The following DLGAP2 variants were observed in gnomAD, a reference collection of about 807,000 sequenced individuals.
The protein encoded by DLGAP2 is DLG associated protein 2, also known as disks large-associated protein 2.
In DLGAP2, 26 loss-of-function variants were observed where a neutral mutation model predicts 100.3. The observed-to-expected ratio is 0.26, with a 90% CI of 0.19 to 0.36. DLGAP2 has a LOEUF of 0.36. Among genes scored for constraint, DLGAP2 ranks in the 10% least tolerant of loss-of-function variants. DLGAP2 has a pLI of 1.00. For synonymous variants in DLGAP2, 886 were observed against 630.1 expected (o/e 1.41, Z -6.08); for missense variants, 1,858 against 1,453.2 (o/e 1.28, Z -4.53).
intron 2 of DLGAP2, among the ~76,000 whole-genome samples, chr8:928,061 A>G (rs1798857029): frequency 6.6e-6 from 1 of 152,192 alleles, no homozygotes; most frequent in African/African-American, 2.4e-5. Context: ...TTCCCTGCCC[A>G]GGGCTGAGGG....
chr8:1,499,513 A>T (rs1001458339), intron 3 of DLGAP2, among the ~76,000 whole-genome samples: 4 of 152,162 alleles, frequency 2.6e-5, no homozygotes, highest in African/African-American at 9.7e-5. Flanking sequence ...TCATATTTCT[A>T]CATGAATGAG....
intron 3 of DLGAP2, among the ~76,000 whole-genome samples, chr8:1,420,173 A>G (rs556952095): frequency 6.6e-5 from 10 of 152,228 alleles, no homozygotes; most frequent in African/African-American, 2.2e-4. Context: ...TTCCCTGAGG[A>G]CTGCCTTATC....
intron 1 of DLGAP2, among the ~76,000 whole-genome samples, chr8:807,848 A>T (rs1165895311): frequency 6.6e-6 from 1 of 152,126 alleles, no homozygotes; most frequent in Non-Finnish European, 1.5e-5. Context: ...GGTGCACAGG[A>T]ATAAGGAAGG....
At chr8:1,320,475 G>A (rs554719063) in intron 3 of DLGAP2, among the ~76,000 whole-genome samples, 2 of 152,284 alleles carry the variant, frequency 1.3e-5, no homozygotes, top group Non-Finnish European at 2.9e-5. Context: ...GGCTGGGAAG[G>A]CATCAGGAGC....
Position 1,447,437 on chromosome 8 carries a change from C to T in DLGAP2, c.107-53929C>T, listed in dbSNP as rs181664860. ...ATCCTTGCATCCCAGGGATGAAGCC[C>T]ACTTGATCATGGTGGATAAGCTTTT... On this transcript the variant is annotated intron_variant, in intron 3 of 14. Coordinates refer to ENST00000637795, the MANE Select transcript of DLGAP2 (RefSeq NM_001346810.2). Among the ~76,000 whole-genome samples, 5 of 152,270 alleles carry T rather than the reference C, an allele frequency of 3.3e-5. No individual in the cohort carries two copies. In the East Asian group the frequency reaches 9.6e-4, roughly 29 times the overall value.
chr8:1,620,776 C>G (rs966669357), intron 6 of DLGAP2, among the ~76,000 whole-genome samples: 2 of 152,196 alleles, frequency 1.3e-5, no homozygotes. Flanking sequence ...GTCCTCCAGG[C>G]CCCACGCACA....
chr8:1,069,652 A>C (rs1271933987), intron 2 of DLGAP2, among the ~76,000 whole-genome samples: 1 of 152,124 alleles, frequency 6.6e-6, no homozygotes, highest in Non-Finnish European at 1.5e-5. Flanking sequence ...AGAGTATAAT[A>C]TATACTCCTA....
chr8:1,188,923 T>G (rs957317201), intron 2 of DLGAP2, among the ~76,000 whole-genome samples: 2 of 152,190 alleles, frequency 1.3e-5, no homozygotes, highest in Non-Finnish European at 2.9e-5. Flanking sequence ...GGTTGCCTTG[T>G]GGTGCGGCTT....
chr8:766,392 C>G (rs1821216648), intron 1 of DLGAP2, among the ~76,000 whole-genome samples: 1 of 152,220 alleles, frequency 6.6e-6, no homozygotes, highest in Non-Finnish European at 1.5e-5. Context: ...GGAGGCCATC[C>G]TTCCTCTATG....
intron 2 of DLGAP2, among the ~76,000 whole-genome samples, chr8:1,197,065 G>A (rs989391572): frequency 6.6e-6 from 1 of 152,126 alleles, no homozygotes; most frequent in African/African-American, 2.4e-5. Flanking sequence ...CCAAGAAGAA[G>A]GAACAAATTC....
intron 3 of DLGAP2, among the ~76,000 whole-genome samples, chr8:1,325,807 G>C (rs188429654): frequency 6.6e-6 from 1 of 152,200 alleles, no homozygotes; most frequent in African/African-American, 2.4e-5. Flanking sequence ...AAGAGTTGTC[G>C]TCAGCTCCTT....
Position 1,039,547 on chromosome 8 carries a change from G to C in DLGAP2, c.73+131581G>C, listed in dbSNP as rs563388239. Among the ~76,000 whole-genome samples, 17 of 115,166 alleles carry C rather than the reference G, an allele frequency of 1.5e-4. 1 individual carries two copies. Among genetic ancestry groups the C allele is most frequent in the African/African-American group, 6.4e-4 (17 of 26,572 alleles). The allele number at this position is 115,166 out of a possible 152,430, so 75.6% of individuals were successfully genotyped here. A position where few individuals can be genotyped will look rare whatever the true frequency, so the allele number is the denominator to read the frequency against. On this transcript the variant is annotated intron_variant, in intron 2 of 14. Transcript: ENST00000637795. ...TCAGCTCGGTGTGCGTGGTCAGCTT[G>C]GTGTGCGTGGTCAGCTTGGTGTGCG...
intron 2 of DLGAP2, among the ~76,000 whole-genome samples, chr8:1,167,417 A>C (rs1466686935): frequency 6.6e-6 from 1 of 152,190 alleles, no homozygotes; most frequent in Non-Finnish European, 1.5e-5. Context: ...CTGGCAGGGC[A>C]GAGGCTGTGT....
At chr8:1,172,054 C>G (rs1288531312) in intron 2 of DLGAP2, among the ~76,000 whole-genome samples, 7 of 152,040 alleles carry the variant, frequency 4.6e-5, no homozygotes, top group Non-Finnish European at 1.0e-4. Context: ...GTGCTTCCTT[C>G]AGGAGCTCTT....
chr8:1,214,312 G>T (rs183786968), intron 2 of DLGAP2, among the ~76,000 whole-genome samples: 1 of 152,158 alleles, frequency 6.6e-6, no homozygotes, highest in African/African-American at 2.4e-5. Flanking sequence ...CACTACCTGC[G>T]GCCCCGCCAC....
chr8:1,567,516 T>G (rs1035279344), intron 6 of DLGAP2, among the ~76,000 whole-genome samples: 7 of 152,120 alleles, frequency 4.6e-5, no homozygotes, highest in Admixed American at 1.3e-4. Context: ...GGACTAAGTG[T>G]TTTAAGAATT....
intron 2 of DLGAP2, among the ~76,000 whole-genome samples, chr8:1,101,611 G>A (rs1804582004): frequency 6.6e-6 from 1 of 152,096 alleles, no homozygotes; most frequent in Non-Finnish European, 1.5e-5. Flanking sequence ...ACAATGGGAA[G>A]GTCCTCATCA....
rs115096988 is a variant in DLGAP2, at chr8:1,260,197, C to G, written c.106+1314C>G. Among the ~76,000 whole-genome samples, 972 of 152,224 alleles carry G rather than the reference C, an allele frequency of 6.4e-3. 7 individuals carry two copies. The highest frequency in any genetic ancestry group is 0.022 in the African/African-American group (927 of 41,542). Reference sequence around the variant, plus strand: ...AGGATGATGAAATTCTGCAGCCTGTCTGTTGGGTGTTTGAAAGCTTTATTA... The same window carrying G: ...AGGATGATGAAATTCTGCAGCCTGTGTGTTGGGTGTTTGAAAGCTTTATTA... On this transcript the variant is annotated intron_variant, in intron 3 of 14. Coordinates refer to ENST00000637795, the MANE Select transcript of DLGAP2 (RefSeq NM_001346810.2).
intron 3 of DLGAP2, among the ~76,000 whole-genome samples, chr8:1,303,266 G>A (rs1007881079): frequency 4.6e-5 from 7 of 152,060 alleles, no homozygotes; most frequent in South Asian, 4.2e-4. Context: ...GCGTGGTGGC[G>A]GGCGCCTGTA....
Sources: gnomAD v4.1 joint callset for allele counts (sites outside exome capture counted in the v4.1 genomes callset) on GRCh38, gnomAD v4.1.1 for gene constraint, MANE v1.5 for transcripts, NCBI Gene and HGNC (gene_info 2026-07-23, HGNC 2026-07-21) for gene names.